KIFAP3: variants seen among roughly 807,000 people sequenced by gnomAD.
The protein encoded by KIFAP3 is kinesin associated protein 3.
A neutral mutation model predicts 106.5 loss-of-function variants in KIFAP3; 68 were observed. That is an observed-to-expected ratio of 0.64 (90% CI 0.53 to 0.78). KIFAP3 has a LOEUF of 0.78. Ranked by LOEUF, KIFAP3 falls within the 30% of genes least tolerant of loss-of-function variation. The pLI is 0.00. For synonymous variants in KIFAP3, 320 were observed against 311.5 expected, an observed-to-expected ratio of 1.03 and a Z score of -0.29; for missense variants, 780 against 941.8, an observed-to-expected ratio of 0.83 and a Z score of 2.25.
At chr1:170,003,408 T>C (rs1166303797) in intron 10 of KIFAP3, among the ~76,000 whole-genome samples, 1 of 152,094 alleles carries the variant, frequency 6.6e-6, no homozygotes, top group African/African-American at 2.4e-5. Flanking sequence ...CTATAACAAA[T>C]CCTCCCGGCC....
chr1:169,985,379 T>C (rs1036397858), intron 11 of KIFAP3, among the ~76,000 whole-genome samples: 1 of 151,812 alleles, frequency 6.6e-6, no homozygotes, highest in Non-Finnish European at 1.5e-5. Context: ...TGATTAGACA[T>C]ATATTTAGAA....
chr1:169,950,454 GC>G (rs377612591), intron 19 of KIFAP3, among the ~76,000 whole-genome samples: 261 of 152,204 alleles, frequency 1.7e-3, no homozygotes, highest in African/African-American at 5.9e-3. Flanking sequence ...TGAAGAAGAA[GC>G]AGGGAAAGAA....
rs1382285904 is a variant in KIFAP3 at position 170,039,225 on chromosome 1, A to G, written c.375+8T>C. ...TCCTCTATTAGATCAGAATGCATGC[A>G]GTCTTACCTCCATTCCTTCAAAAGG... On this transcript the variant is annotated splice_region_variant and intron_variant, in intron 4 of 19. Transcript: ENST00000361580. 1.9e-6 allele frequency: 3 copies of G among 1,567,360 alleles called. No individual in the cohort carries two copies. Among genetic ancestry groups the G allele is most frequent in the East Asian group, 2.2e-5 (1 of 44,544 alleles).
At chr1:169,960,915 T>A (rs1665293552) in intron 18 of KIFAP3, 131 bp downstream of exon 18, 2 of 624,752 alleles carry the variant, frequency 3.2e-6, no homozygotes, top group Non-Finnish European at 5.2e-6. Flanking sequence ...AGACGTTACA[T>A]CTAAAATCAT....
chr1:170,048,207 A>G lies in KIFAP3; in HGVS notation c.165-1341T>C, dbSNP rs550612861. On this transcript the variant is annotated intron_variant, in intron 2 of 19. Coordinates refer to ENST00000361580, the MANE Select transcript of KIFAP3 (RefSeq NM_014970.4). ...CAAGCTATGTAATAGCTTTTAATAA[A>G]TTCCTTTTCTGTTTAAATTTGCTAG... Among the ~76,000 whole-genome samples the G allele has an allele frequency of 8.0e-4, 122 of 151,922 alleles. 1 individual carries two copies. Among genetic ancestry groups the G allele is most frequent in the African/African-American group, 2.8e-3 (116 of 41,434 alleles).
intron 1 of KIFAP3, among the ~76,000 whole-genome samples, chr1:170,080,029 T>C (rs1671996046): frequency 6.6e-6 from 1 of 152,090 alleles, no homozygotes; most frequent in African/African-American, 2.4e-5. Flanking sequence ...AGTAAAACTA[T>C]TTTGATTTAC....
chr1:170,011,052 AC>A (rs1456419099), intron 10 of KIFAP3, among the ~76,000 whole-genome samples: 2 of 152,028 alleles, frequency 1.3e-5, no homozygotes, highest in Non-Finnish European at 2.9e-5. Flanking sequence ...TCTACTGCAT[AC>A]TTTTAAATTC....
intron 19 of KIFAP3, among the ~76,000 whole-genome samples, chr1:169,943,509 C>T (rs912550769): frequency 6.6e-6 from 1 of 151,972 alleles, no homozygotes; most frequent in East Asian, 1.9e-4. Context: ...CTATTTCTCT[C>T]CCTTATTTTT....
At chr1:170,049,818 C>CG (rs999442959) in intron 2 of KIFAP3, among the ~76,000 whole-genome samples, 2 of 151,258 alleles carry the variant, frequency 1.3e-5, no homozygotes, top group Admixed American at 6.6e-5. Flanking sequence ...CCACCCCCCC[C>CG]CAAAAAAAAC....
intron 17 of KIFAP3, among the ~76,000 whole-genome samples, chr1:169,967,232 C>T (rs1665675691): frequency 6.6e-6 from 1 of 151,926 alleles, no homozygotes; most frequent in African/African-American, 2.4e-5. Flanking sequence ...GAAAGAATCT[C>T]AAAGTAAAGA....
intron 11 of KIFAP3, among the ~76,000 whole-genome samples, chr1:169,988,621 T>C (rs1238957859): frequency 1.3e-5 from 2 of 151,988 alleles, no homozygotes; most frequent in Admixed American, 1.3e-4. Flanking sequence ...ATACATTACT[T>C]TGAGTAGCCA....
intron 17 of KIFAP3, among the ~76,000 whole-genome samples, chr1:169,968,378 C>T (rs1665740200): frequency 6.6e-6 from 1 of 151,916 alleles, no homozygotes; most frequent in African/African-American, 2.4e-5. Context: ...CTGATTAACA[C>T]ACTATAGGAT....
chr1:169,945,927 A>G (rs1160937844), intron 19 of KIFAP3, among the ~76,000 whole-genome samples: 1 of 152,200 alleles, frequency 6.6e-6, no homozygotes, highest in Non-Finnish European at 1.5e-5. Context: ...AACCTAATTC[A>G]ATTCTCCTTG....
chr1:170,038,491 A>G (rs1271320719), intron 4 of KIFAP3, 60 bp from the exon 5 acceptor site: 1 of 1,526,920 alleles, frequency 6.5e-7, no homozygotes, highest in Admixed American at 2.1e-5. Context: ...CTGTCAAAGA[A>G]ATGTTATTTT....
intron 11 of KIFAP3, among the ~76,000 whole-genome samples, chr1:169,985,152 T>G (rs957166211): frequency 6.6e-6 from 1 of 151,838 alleles, no homozygotes; most frequent in Non-Finnish European, 1.5e-5. Flanking sequence ...TTGAAGTACA[T>G]GTTAAAGATT....
intron 2 of KIFAP3, among the ~76,000 whole-genome samples, chr1:170,049,932 TCTC>T (rs1670486836): frequency 6.6e-6 from 1 of 151,868 alleles, no homozygotes; most frequent in Non-Finnish European, 1.5e-5. Flanking sequence ...GAATACCTCT[TCTC>T]CTCCAAATGA....
intron 1 of KIFAP3, among the ~76,000 whole-genome samples, chr1:170,058,055 C>T (rs1051366391): frequency 3.9e-5 from 6 of 152,024 alleles, no homozygotes; most frequent in Non-Finnish European, 8.8e-5. Flanking sequence ...AAACTGTCAC[C>T]TTTTGGGACA....
chr1:169,929,093 C>A (rs1184979175), intron 19 of KIFAP3, among the ~76,000 whole-genome samples: 1 of 152,104 alleles, frequency 6.6e-6, no homozygotes, highest in Non-Finnish European at 1.5e-5. Context: ...TATAGACCAA[C>A]CACTAGATGG....
chr1:170,068,978 T>G (rs1671576199), intron 1 of KIFAP3: 1 of 151,966 alleles, frequency 6.6e-6, no homozygotes, highest in South Asian at 2.1e-4. Flanking sequence ...TTGGAAAACT[T>G]TTAGTTAGAC....
Sources: allele counts gnomAD v4.1 joint callset (sites outside exome capture counted in the v4.1 genomes callset), GRCh38; gene constraint gnomAD v4.1.1; transcripts MANE v1.5; gene names NCBI Gene and HGNC (gene_info 2026-07-23, HGNC 2026-07-21).